Variants in MALRD1 observed in about 807,000 individuals in gnomAD.
MALRD1 encodes the protein MAM and LDL-receptor class A domain-containing protein 1.
In MALRD1, 247 loss-of-function variants were observed where a neutral mutation model predicts 242.1. That is an observed-to-expected ratio of 1.02 (90% CI 0.92 to 1.13). The LOEUF (loss-of-function observed/expected upper bound fraction) is 1.13, where lower values mean the gene tolerates loss of function less well. MALRD1 is among the 50% of genes most tolerant of loss of function. The probability of loss-of-function intolerance (pLI) is 0.00; values close to 1 mark genes in which losing one functional copy is unlikely to be tolerated. For synonymous variants in MALRD1, 995 were observed against 866.6 expected, an observed-to-expected ratio of 1.15 and a Z score of -2.60; for missense variants, 2,989 against 2,533.1, an observed-to-expected ratio of 1.18 and a Z score of -3.86.
intron 18 of MALRD1, among the ~76,000 whole-genome samples, chr10:19,235,612 G>C (rs577408687): frequency 1.5e-5 from 2 of 130,910 alleles, no homozygotes; most frequent in Non-Finnish European, 3.5e-5. Context: ...GAGAGAGAGA[G>C]AGCGCCTAGG....
At chr10:19,519,437 T>C (rs749310297) in intron 31 of MALRD1, among the ~76,000 whole-genome samples, 4 of 152,194 alleles carry the variant, frequency 2.6e-5, no homozygotes, top group Non-Finnish European at 5.9e-5. Flanking sequence ...TTATATACTT[T>C]GAAAAATCTT....
At chr10:19,723,828 G>A (rs1564570847) in intron 38 of MALRD1, among the ~76,000 whole-genome samples, 2 of 151,944 alleles carry the variant, frequency 1.3e-5, no homozygotes, top group Admixed American at 1.3e-4. Context: ...TGAACATGTT[G>A]CAAGAGTATT....
intron 1 of MALRD1, among the ~76,000 whole-genome samples, chr10:19,055,713 T>C (rs890068427): frequency 3.9e-5 from 6 of 152,192 alleles, no homozygotes; most frequent in African/African-American, 1.4e-4. Context: ...CAATTGACCA[T>C]CAATGTGTGG....
intron 33 of MALRD1, among the ~76,000 whole-genome samples, chr10:19,572,007 C>T (rs1589253049): frequency 6.6e-6 from 1 of 152,290 alleles, no homozygotes; most frequent in South Asian, 2.1e-4. Flanking sequence ...CCACCACAAA[C>T]TCCCATAATC....
At chr10:19,326,087 A>G (rs1843123422) in intron 22 of MALRD1, among the ~76,000 whole-genome samples, 1 of 152,146 alleles carries the variant, frequency 6.6e-6, no homozygotes, top group South Asian at 2.1e-4. Context: ...TAAAAAGTAT[A>G]TTTGTGTGTA....
At chr10:19,180,161 AAC>A (rs1469048505) in intron 14 of MALRD1, among the ~76,000 whole-genome samples, 1 of 152,228 alleles carries the variant, frequency 6.6e-6, no homozygotes, top group Non-Finnish European at 1.5e-5. Flanking sequence ...ACAGTGGAGG[AAC>A]ACAGACATTT....
chr10:19,732,995 C>A (rs915961283), intron 39 of MALRD1, among the ~76,000 whole-genome samples: 5 of 152,182 alleles, frequency 3.3e-5, no homozygotes, highest in Admixed American at 6.5e-5. Context: ...GGCACATCTC[C>A]TGACCTTTGT....
At chr10:19,370,204 A>T (rs1044973825) in intron 26 of MALRD1, among the ~76,000 whole-genome samples, 4 of 152,070 alleles carry the variant, frequency 2.6e-5, no homozygotes, top group African/African-American at 9.7e-5. Flanking sequence ...TCTTTCATCA[A>T]TCTGTTTGCC....
intron 31 of MALRD1, among the ~76,000 whole-genome samples, chr10:19,523,341 C>T (rs919299847): frequency 6.6e-6 from 1 of 152,130 alleles, no homozygotes; most frequent in Non-Finnish European, 1.5e-5. Context: ...AATAACTATT[C>T]TTCTGTTCTT....
In MALRD1 at chr10:19,331,722, C is replaced by A. The variant is rs1843381913; in HGVS notation, c.3901+140C>A. 6.1e-6 allele frequency: 4 copies of A among 656,148 alleles called. No homozygotes were observed. In the South Asian group the frequency reaches 7.5e-5, roughly 12 times the overall value. The allele number at this position is 656,148 out of a possible 1,614,324, so 40.6% of individuals were successfully genotyped here. A position where few individuals can be genotyped will look rare whatever the true frequency, so the allele number is the denominator to read the frequency against. On this transcript the variant is annotated intron_variant, in intron 24 of 39. Coordinates refer to ENST00000454679, the MANE Select transcript of MALRD1 (RefSeq NM_001142308.3). ...GTAAGGTGATTTAACTTGACACATT[C>A]CCTCCTTTCTCTGAATAATTCATTT... is the stretch of plus-strand genomic sequence containing the variant.
chr10:19,568,695 A>G (rs977825257), intron 33 of MALRD1, among the ~76,000 whole-genome samples: 10 of 151,866 alleles, frequency 6.6e-5, no homozygotes, highest in African/African-American at 2.4e-4. Flanking sequence ...AAAAAAATAT[A>G]TATTCTAGAT....
intron 38 of MALRD1, among the ~76,000 whole-genome samples, chr10:19,695,341 G>A (rs918225263): frequency 1.3e-5 from 2 of 152,078 alleles, no homozygotes; most frequent in Non-Finnish European, 2.9e-5. Flanking sequence ...AACGGCAAAG[G>A]AAATTATTTC....
intron 2 of MALRD1, among the ~76,000 whole-genome samples, chr10:19,069,211 T>C (rs975963954): frequency 6.6e-6 from 1 of 152,074 alleles, no homozygotes; most frequent in Non-Finnish European, 1.5e-5. Context: ...TATTATTTCC[T>C]AATTTGGGCA....
At chr10:19,423,227 C>G (rs1191429352) in intron 28 of MALRD1, among the ~76,000 whole-genome samples, 1 of 152,004 alleles carries the variant, frequency 6.6e-6, no homozygotes, top group African/African-American at 2.4e-5. Flanking sequence ...ATATTGTACA[C>G]ACCTACCACT....
At chr10:19,389,030 C>G (rs1461715276) in intron 27 of MALRD1, among the ~76,000 whole-genome samples, 2 of 152,106 alleles carry the variant, frequency 1.3e-5, no homozygotes, top group Non-Finnish European at 2.9e-5. Flanking sequence ...ATGTTACTTA[C>G]TAAATTTCTT....
chr10:19,068,080 A>C, intron 2 of MALRD1, among the ~76,000 whole-genome samples: 1 of 152,040 alleles, frequency 6.6e-6, no homozygotes, highest in Admixed American at 6.6e-5. Context: ...TCCCAACCTA[A>C]CGGCCATTGC....
At chr10:19,340,943 T>C (rs906192063) in intron 24 of MALRD1, among the ~76,000 whole-genome samples, 4 of 152,114 alleles carry the variant, frequency 2.6e-5, no homozygotes, top group Admixed American at 2.6e-4. Flanking sequence ...GTGATTCATA[T>C]GTGTATTAAA....
At chr10:19,469,798 T>G (rs770155562) in intron 29 of MALRD1, among the ~76,000 whole-genome samples, 6 of 152,056 alleles carry the variant, frequency 3.9e-5, no homozygotes, top group Non-Finnish European at 7.4e-5. Context: ...TTTATTCAAG[T>G]GTGATTGCCA....
At chr10:19,661,796 AG>A (rs1333192030) in intron 36 of MALRD1, among the ~76,000 whole-genome samples, 2 of 152,194 alleles carry the variant, frequency 1.3e-5, no homozygotes, top group East Asian at 1.9e-4. Flanking sequence ...TTAAAAAAAA[AG>A]AATTTTTGTT....
Sources: allele counts gnomAD v4.1 joint callset (sites outside exome capture counted in the v4.1 genomes callset), GRCh38; gene constraint gnomAD v4.1.1; transcripts MANE v1.5; gene names NCBI Gene and HGNC (gene_info 2026-07-23, HGNC 2026-07-21).